The following NTM variants were observed in gnomAD, a reference collection of about 807,000 sequenced individuals.
NTM encodes IgLON family member 2.
In NTM, 13 loss-of-function variants were observed where a neutral mutation model predicts 42.1. The observed-to-expected ratio is 0.31, with a 90% confidence interval of 0.20 to 0.49. The LOEUF is 0.49. Ranked by LOEUF, NTM falls within the 20% of genes least tolerant of loss-of-function variation. The probability of loss-of-function intolerance (pLI) is 0.99; values close to 1 mark genes in which losing one functional copy is unlikely to be tolerated. For missense variants in NTM, 373 were observed against 452.8 expected, an observed-to-expected ratio of 0.82 and a Z score of 1.60; for synonymous variants, 187 against 179.2, an observed-to-expected ratio of 1.04 and a Z score of -0.35.
At chr11:132,197,981 C>A (rs1016447534) in intron 3 of NTM, among the ~76,000 whole-genome samples, 1 of 152,102 alleles carries the variant, frequency 6.6e-6, no homozygotes, top group African/African-American at 2.4e-5. Context: ...GTCTTTATAG[C>A]AGCAAGATTT....
At chr11:131,824,942 A>G (rs765310861) in intron 1 of NTM, among the ~76,000 whole-genome samples, 1 of 152,204 alleles carries the variant, frequency 6.6e-6, no homozygotes, top group Non-Finnish European at 1.5e-5. Flanking sequence ...CACGGCATGT[A>G]CGTTAGTTTG....
rs1031730715 is a variant in NTM at position 132,217,860 on chromosome 11, C to G, written c.526+5713C>G. Among the ~76,000 whole-genome samples, 6 of 152,116 alleles carry G rather than the reference C, an allele frequency of 3.9e-5. No individual in the cohort carries two copies. In the South Asian group the frequency reaches 1.2e-3, roughly 32 times the overall value. ...CAATGCCCTGAGCCCTGTGCTCCCC[C>G]TCCCCTTCCCCAATATCCTCACCCC... is the stretch of plus-strand genomic sequence containing the variant. On this transcript the variant is annotated intron_variant, in intron 4 of 8. Transcript: ENST00000683400.
intron 2 of NTM, among the ~76,000 whole-genome samples, chr11:132,073,388 G>C (rs1179934912): frequency 6.6e-6 from 1 of 152,152 alleles, no homozygotes; most frequent in Non-Finnish European, 1.5e-5. Context: ...ATGATTTGGT[G>C]GTGTAAATGT....
At chr11:131,629,225 G>A (rs1360884515) in intron 1 of NTM, among the ~76,000 whole-genome samples, 1 of 151,962 alleles carries the variant, frequency 6.6e-6, no homozygotes, top group Non-Finnish European at 1.5e-5. Context: ...CCATGTGGCT[G>A]CAAATACATT....
In NTM at chr11:132,329,978, G is replaced by C. The variant is rs1321887998; in HGVS notation, c.935-175G>C. On this transcript the variant is annotated intron_variant, in intron 7 of 8. Transcript: ENST00000683400. The stretch of plus-strand genomic sequence containing the variant: ...TGCCCAAGTAAACCAGAAAACCAGA[G>C]GGGGGTCACATAGGAGGGCTGGGCA... 1.2e-5 allele frequency: 7 copies of C among 577,374 alleles called. 1 individual carries two copies. In the South Asian group the frequency reaches 3.8e-4, roughly 31 times the overall value. The allele number at this position is 577,374 out of a possible 1,614,324, so 35.8% of individuals were successfully genotyped here.
intron 4 of NTM, among the ~76,000 whole-genome samples, chr11:132,277,566 T>A (rs915263784): frequency 6.6e-6 from 1 of 152,194 alleles, no homozygotes; most frequent in African/African-American, 2.4e-5. Flanking sequence ...TCTCAAAAAA[T>A]AAGAATTTGG....
intron 1 of NTM, among the ~76,000 whole-genome samples, chr11:131,549,587 G>A (rs984111202): frequency 2.0e-5 from 3 of 152,068 alleles, no homozygotes. Flanking sequence ...AAAACAAAAC[G>A]CCCTGTGCTC....
intron 1 of NTM, among the ~76,000 whole-genome samples, chr11:131,472,672 G>A (rs1048941700): frequency 6.6e-6 from 1 of 152,112 alleles, no homozygotes; most frequent in South Asian, 2.1e-4. Flanking sequence ...GAGGAGAAGG[G>A]GGTAAGTGTA....
chr11:131,688,186 C>A (rs903440546), intron 1 of NTM, among the ~76,000 whole-genome samples: 2 of 152,174 alleles, frequency 1.3e-5, no homozygotes, highest in Admixed American at 6.5e-5. Flanking sequence ...CCCGCGCCCC[C>A]CGAGCCGCGA....
At chr11:131,494,782 C>T (rs318962) in intron 1 of NTM, among the ~76,000 whole-genome samples, 32,531 of 152,156 alleles carry the variant, frequency 0.21, 4,080 homozygotes, top group African/African-American at 0.34. Flanking sequence ...TGCAAGTTCC[C>T]GTCCACTGTG....
intron 4 of NTM, among the ~76,000 whole-genome samples, chr11:132,244,072 G>A (rs1591494971): frequency 6.6e-6 from 1 of 152,174 alleles, no homozygotes; most frequent in African/African-American, 2.4e-5. Flanking sequence ...AATCATTCCA[G>A]GCTGGGGCTG....
chr11:132,236,229 T>C (rs574268799), intron 4 of NTM, among the ~76,000 whole-genome samples: 1 of 152,316 alleles, frequency 6.6e-6, no homozygotes, highest in East Asian at 1.9e-4. Flanking sequence ...ATGAGGTAAG[T>C]ACCATTGTAA....
chr11:131,752,125 G>C (rs2082637202), intron 1 of NTM, among the ~76,000 whole-genome samples: 1 of 152,180 alleles, frequency 6.6e-6, no homozygotes, highest in Non-Finnish European at 1.5e-5. Context: ...TGTTGGGGAG[G>C]ATATAGAGCC....
In NTM at chr11:131,519,797, AG is replaced by A. The variant is rs2049370517; in HGVS notation, c.82+148911del. The stretch of plus-strand genomic sequence containing the variant: ...TTCTTTACTTTCAGGTCTTCATAGG[AG>A]GCTGCATCTTTAGTTTTATTTCTGG... On this transcript the variant is annotated intron_variant, in intron 1 of 8. Coordinates refer to ENST00000683400, the MANE Select transcript of NTM (RefSeq NM_001352005.2). Among the ~76,000 whole-genome samples, 6 of 143,000 alleles carry A rather than the reference AG, an allele frequency of 4.2e-5. 1 individual carries two copies. Among genetic ancestry groups the A allele is most frequent in the African/African-American group, 1.1e-4 (4 of 36,992 alleles). 93.8% of individuals were successfully genotyped at this position (143,000 alleles called of 152,430 possible).
intron 1 of NTM, among the ~76,000 whole-genome samples, chr11:131,744,445 A>G (rs1357167265): frequency 1.3e-5 from 2 of 152,200 alleles, no homozygotes; most frequent in South Asian, 2.1e-4. Flanking sequence ...TAATAAAAAC[A>G]TAAAAGGAAT....
intron 2 of NTM, among the ~76,000 whole-genome samples, chr11:131,995,778 A>G (rs1238140762): frequency 1.3e-5 from 2 of 152,090 alleles, no homozygotes; most frequent in Non-Finnish European, 2.9e-5. Context: ...CAGGAGACAG[A>G]TCAGTCTTAA....
At chr11:131,731,898 C>T (rs946619468) in intron 1 of NTM, among the ~76,000 whole-genome samples, 1 of 152,142 alleles carries the variant, frequency 6.6e-6, no homozygotes, top group Non-Finnish European at 1.5e-5. Flanking sequence ...TGCTGCTGGG[C>T]GGACCTCTCC....
intron 5 of NTM, 112 bp from the exon 6 acceptor site, chr11:132,310,000 G>A: frequency 7.5e-7 from 1 of 1,339,034 alleles, no homozygotes; most frequent in Non-Finnish European, 9.9e-7. Flanking sequence ...AACGTGCAGT[G>A]AGCCAAGATC....
chr11:132,223,787 T>C (rs886970363), intron 4 of NTM, among the ~76,000 whole-genome samples: 3 of 152,168 alleles, frequency 2.0e-5, no homozygotes, highest in Admixed American at 6.5e-5. Flanking sequence ...GGCAGTCCCT[T>C]AATTAGTGAT....
Sources: gnomAD v4.1 joint callset for allele counts (sites outside exome capture counted in the v4.1 genomes callset) on GRCh38, gnomAD v4.1.1 for gene constraint, MANE v1.5 for transcripts, NCBI Gene and HGNC (gene_info 2026-07-23, HGNC 2026-07-21) for gene names.